The following SLC8A1 variants were observed in gnomAD, a reference collection of about 807,000 sequenced individuals.
SLC8A1 encodes sodium/calcium exchanger 1.
Under a neutral mutation model 68.3 loss-of-function variants are expected in SLC8A1, and 18 were observed. That is an observed-to-expected ratio of 0.26 (90% CI 0.18 to 0.39). The LOEUF is 0.39. Among genes scored for constraint, SLC8A1 ranks in the 10% least tolerant of loss-of-function variants. The pLI, the probability that SLC8A1 is intolerant of heterozygous loss-of-function variation, is 1.00. For missense variants in SLC8A1, 985 were observed against 1,156.7 expected, an observed-to-expected ratio of 0.85 and a Z score of 2.15; for synonymous variants, 475 against 415.5, an observed-to-expected ratio of 1.14 and a Z score of -1.74.
At chr2:40,156,909 C>T (rs1007865421) in intron 6 of SLC8A1, among the ~76,000 whole-genome samples, 1 of 152,116 alleles carries the variant, frequency 6.6e-6, no homozygotes. Flanking sequence ...TCACTCAGGC[C>T]TCATGCACAG....
intron 7 of SLC8A1, chr2:40,118,629 T>TTTG (rs1486136536): frequency 6.8e-6 from 1 of 146,570 alleles, no homozygotes; most frequent in Non-Finnish European, 1.5e-5. Flanking sequence ...TTTTTTTTTT[T>TTTG]TTTTTTTAAG....
intron 2 of SLC8A1, among the ~76,000 whole-genome samples, chr2:40,333,162 GGT>G (rs1197446975): frequency 6.6e-6 from 1 of 152,176 alleles, no homozygotes; most frequent in Non-Finnish European, 1.5e-5. Flanking sequence ...TTTTAGGCCG[GGT>G]GCGGTGGCTC....
chr2:40,276,753 TG>T (rs2066748657), intron 2 of SLC8A1, among the ~76,000 whole-genome samples: 1 of 152,238 alleles, frequency 6.6e-6, no homozygotes, highest in Non-Finnish European at 1.5e-5. Flanking sequence ...TTCTTTTTAT[TG>T]GACATTTTTA....
At chr2:40,380,846 A>G (rs1047349726) in intron 2 of SLC8A1, among the ~76,000 whole-genome samples, 2 of 152,046 alleles carry the variant, frequency 1.3e-5, no homozygotes, top group African/African-American at 4.8e-5. Flanking sequence ...CAGGTGTCCT[A>G]CTTCTTCAGG....
chr2:40,369,660 A>C (rs574866690), intron 2 of SLC8A1, among the ~76,000 whole-genome samples: 1 of 152,206 alleles, frequency 6.6e-6, no homozygotes, highest in South Asian at 2.1e-4. Context: ...ACTTGTTAGT[A>C]CCAATACCAT....
chr2:40,488,267 T>C (rs1457778106), intron 1 of SLC8A1, among the ~76,000 whole-genome samples: 1 of 150,612 alleles, frequency 6.6e-6, no homozygotes, highest in Non-Finnish European at 1.5e-5. Flanking sequence ...AGGATTTTAA[T>C]GAATAATCCT....
At chr2:40,204,641 C>T (rs750135411) in intron 2 of SLC8A1, among the ~76,000 whole-genome samples, 1 of 151,928 alleles carries the variant, frequency 6.6e-6, no homozygotes, top group Non-Finnish European at 1.5e-5. Context: ...AGAAACTTGA[C>T]TTACTTTGAA....
intron 1 of SLC8A1, among the ~76,000 whole-genome samples, chr2:40,448,271 G>C (rs1281429914): frequency 6.6e-6 from 1 of 152,100 alleles, no homozygotes; most frequent in Non-Finnish European, 1.5e-5. Flanking sequence ...GACAGAGTGG[G>C]GAGGCCAGGG....
chr2:40,425,628 G>A (rs889324529), intron 2 of SLC8A1, among the ~76,000 whole-genome samples: 6 of 151,746 alleles, frequency 4.0e-5, no homozygotes, highest in African/African-American at 1.4e-4. Flanking sequence ...AGTACTGTAG[G>A]TTTTGAAGGA....
At chr2:40,200,226 A>AAT (rs2054011603) in intron 2 of SLC8A1, among the ~76,000 whole-genome samples, 3 of 34,038 alleles carry the variant, frequency 8.8e-5, no homozygotes, top group African/African-American at 2.9e-4. Flanking sequence ...ATATTTTTTT[A>AAT]TATATATATA....
At chr2:40,133,169 AG>A (rs1381038142) in intron 7 of SLC8A1, among the ~76,000 whole-genome samples, 7 of 152,310 alleles carry the variant, frequency 4.6e-5, no homozygotes, top group Admixed American at 3.3e-4. Flanking sequence ...TTAGAAGTCC[AG>A]GTTCCTGAAT....
At chr2:40,305,998 C>G (rs539912405) in intron 2 of SLC8A1, among the ~76,000 whole-genome samples, 20 of 152,286 alleles carry the variant, frequency 1.3e-4, no homozygotes, top group African/African-American at 4.6e-4. Flanking sequence ...TAAATGCATG[C>G]TCCTAAGCAG....
In SLC8A1 at chr2:40,178,509, G is replaced by C. The variant is rs528143399; in HGVS notation, c.1809-654C>G. On this transcript the variant is annotated intron_variant, in intron 2 of 7. Coordinates refer to ENST00000406785, the Ensembl canonical transcript of SLC8A1. Reference sequence around the variant, plus strand: ...TATTGTTTTGCTGAAACAGAGAATAGAAATTGACGAACAAGGGGAAGAGGA... The same window carrying C: ...TATTGTTTTGCTGAAACAGAGAATACAAATTGACGAACAAGGGGAAGAGGA... 1.3e-6 allele frequency: 2 copies of C among 1,590,974 alleles called. No homozygotes were observed. The highest frequency in any genetic ancestry group is 1.7e-6 in the Non-Finnish European group (2 of 1,160,280).
chr2:40,215,261 A>C (rs926316539), intron 2 of SLC8A1, among the ~76,000 whole-genome samples: 3 of 151,954 alleles, frequency 2.0e-5, no homozygotes, highest in Non-Finnish European at 4.4e-5. Context: ...GAACTCCTGG[A>C]CTCAAGCTAT....
rs1191619172 is a variant in SLC8A1, at chr2:40,500,795, C to CTTTTTTTT, written c.-25+11546_-25+11553dup. The stretch of plus-strand genomic sequence containing the variant: ...TATAAGGTAAGGTATTATCATCTGA[C>CTTTTTTTT]TTTTTTTTTTTTTTTTTTTTTTTTT... On this transcript the variant is annotated intron_variant, in intron 1 of 7. Transcript: ENST00000402441. Among the ~76,000 whole-genome samples, 82 of 37,262 alleles carry CTTTTTTTT rather than the reference C, an allele frequency of 2.2e-3. 7 individuals are homozygous for CTTTTTTTT. The highest frequency in any genetic ancestry group is 0.026 in the Middle Eastern group (1 of 38). 24.4% of individuals were successfully genotyped at this position (37,262 alleles called of 152,430 possible). A position where few individuals can be genotyped will look rare whatever the true frequency, so the allele number is the denominator to read the frequency against.
At chr2:40,287,583 T>TGTGTGG (rs1491513553) in intron 2 of SLC8A1, among the ~76,000 whole-genome samples, 6 of 45,286 alleles carry the variant, frequency 1.3e-4, no homozygotes, top group African/African-American at 1.2e-3. Context: ...AGAGGAATGA[T>TGTGTGG]GTGTGTGTGT....
intron 2 of SLC8A1, among the ~76,000 whole-genome samples, chr2:40,230,677 T>A (rs2059540727): frequency 6.6e-6 from 1 of 152,222 alleles, no homozygotes; most frequent in Non-Finnish European, 1.5e-5. Context: ...CATATATGGA[T>A]ATTCATGTAA....
At chr2:40,463,902 A>AGG (rs1221374739) in intron 1 of SLC8A1, among the ~76,000 whole-genome samples, 1 of 151,234 alleles carries the variant, frequency 6.6e-6, no homozygotes, top group Non-Finnish European at 1.5e-5. Context: ...ATATATAGAG[A>AGG]GAGAGACAGA....
chr2:40,431,756 T>C (rs971050194), intron 1 of SLC8A1, among the ~76,000 whole-genome samples: 1 of 152,146 alleles, frequency 6.6e-6, no homozygotes, highest in Non-Finnish European at 1.5e-5. Context: ...AGCTTCGGGC[T>C]GGCTGAGAGC....
Sources: allele counts gnomAD v4.1 joint callset (sites outside exome capture counted in the v4.1 genomes callset), GRCh38; gene constraint gnomAD v4.1.1; transcripts MANE v1.5; gene names NCBI Gene and HGNC (gene_info 2026-07-23, HGNC 2026-07-21).